TFDP2: variants seen among roughly 807,000 people sequenced by gnomAD.
TFDP2 encodes the protein transcription factor Dp-2.
TFDP2 carries 17 observed loss-of-function variants against 59.3 expected under a neutral mutation model. That is an observed-to-expected ratio of 0.29 (90% CI 0.20 to 0.43). The LOEUF (loss-of-function observed/expected upper bound fraction) is 0.43. Ranked by LOEUF, TFDP2 falls within the 20% of genes least tolerant of loss-of-function variation. The pLI, the probability that TFDP2 is intolerant of heterozygous loss-of-function variation, is 1.00. For missense variants in TFDP2, 391 were observed against 528.8 expected, an observed-to-expected ratio of 0.74 and a Z score of 2.56; for synonymous variants, 180 against 194.7, an observed-to-expected ratio of 0.92 and a Z score of 0.63.
Position 141,948,564 on chromosome 3 carries a change from GGCTCCCCACCGT to G in TFDP2, c.*3937_*3948del, listed in dbSNP as rs1370276534. ...CTCAAAAAAAAAAAAAAGCTAAATA[GGCTCCCCACCGT>G]GCCCCCCTCTCTCAGTGTGGTTATG... On this transcript the variant is annotated 3_prime_UTR_variant, in exon 13 of 13. Coordinates refer to ENST00000489671, the MANE Select transcript of TFDP2 (RefSeq NM_001178139.2). 3.3e-5 allele frequency: 5 copies of G among 150,562 alleles called. No homozygotes were observed. Among genetic ancestry groups the G allele is most frequent in the Admixed American group, 1.3e-4 (2 of 14,964 alleles). The allele number at this position is 150,562 out of a possible 1,614,324, so 9.3% of individuals were successfully genotyped here.
At chr3:142,001,202 C>T (rs936494647) in intron 4 of TFDP2, among the ~76,000 whole-genome samples, 6 of 152,190 alleles carry the variant, frequency 3.9e-5, no homozygotes, top group East Asian at 1.9e-4. Flanking sequence ...TATCATACCC[C>T]GCAGCTTGTA....
chr3:142,080,336 A>T (rs1379832711), intron 3 of TFDP2, among the ~76,000 whole-genome samples: 2 of 152,166 alleles, frequency 1.3e-5, no homozygotes, highest in Non-Finnish European at 2.9e-5. Context: ...ATCAAACAAC[A>T]TACAATGGAT....
At chr3:142,102,841 T>C (rs887300056) in intron 1 of TFDP2, among the ~76,000 whole-genome samples, 1 of 152,102 alleles carries the variant, frequency 6.6e-6, no homozygotes, top group Non-Finnish European at 1.5e-5. Context: ...ATCAGAGAAA[T>C]CCAAATTGAG....
At position 141,974,162 on chromosome 3, in the gene TFDP2, T is replaced by C; in HGVS notation, c.549A>G (p.Arg183=). 1 of 1,606,884 alleles carries C rather than the reference T, an allele frequency of 6.2e-7. No homozygotes were observed. Among genetic ancestry groups the C allele is most frequent in the Non-Finnish European group, 8.5e-7 (1 of 1,177,946 alleles). ...TTAGCACATTTAAAGCATCATAAAC[T>C]CTTCGCCTAATGTTCTTCTGATCAT... is the stretch of plus-strand genomic sequence containing the variant. ...SAYDQKNIRR[R]VYDALNVLMA... Residue 183 remains arginine (R), a synonymous_variant, in exon 8 of 13, where the codon AGA becomes AGG. Coordinates refer to ENST00000489671, the MANE Select transcript of TFDP2 (RefSeq NM_001178139.2).
At chr3:141,986,457 T>C (rs895088956) in intron 6 of TFDP2, among the ~76,000 whole-genome samples, 4 of 152,246 alleles carry the variant, frequency 2.6e-5, no homozygotes, top group Admixed American at 6.5e-5. Flanking sequence ...TGTACCCTTT[T>C]GTATCTGACA....
intron 11 of TFDP2, among the ~76,000 whole-genome samples, chr3:141,959,321 G>A (rs1332466974): frequency 1.3e-5 from 2 of 152,102 alleles, no homozygotes; most frequent in African/African-American, 4.8e-5. Context: ...AGGGCACTAA[G>A]AGAAGATTTT....
intron 1 of TFDP2, among the ~76,000 whole-genome samples, chr3:142,138,816 G>T (rs2062828042): frequency 1.3e-5 from 2 of 152,208 alleles, no homozygotes; most frequent in African/African-American, 4.8e-5. Flanking sequence ...GAATAAGTGT[G>T]ATATGGTGCT....
chr3:142,064,172 G>A (rs534439997), intron 3 of TFDP2, among the ~76,000 whole-genome samples: 3 of 152,152 alleles, frequency 2.0e-5, no homozygotes, highest in African/African-American at 4.8e-5. Context: ...GGCTGGTCTC[G>A]AACTCCTGGG....
chr3:141,957,937 G>A (rs1318187448), intron 11 of TFDP2, among the ~76,000 whole-genome samples: 1 of 152,190 alleles, frequency 6.6e-6, no homozygotes, highest in Non-Finnish European at 1.5e-5. Flanking sequence ...AAACATCACT[G>A]AACTGACATT....
intron 10 of TFDP2, among the ~76,000 whole-genome samples, chr3:141,963,271 G>T (rs140187060): frequency 3.3e-5 from 5 of 152,176 alleles, no homozygotes; most frequent in Non-Finnish European, 7.4e-5. Flanking sequence ...TATTATCATT[G>T]ATCTTAGTTA....
At chr3:141,983,373 G>A (rs1023324831) in intron 6 of TFDP2, among the ~76,000 whole-genome samples, 5 of 152,114 alleles carry the variant, frequency 3.3e-5, no homozygotes, top group African/African-American at 7.2e-5. Flanking sequence ...GCAGTGGCTC[G>A]TGCCTGTAAT....
chr3:141,990,272 C>T (rs113731734), intron 6 of TFDP2, among the ~76,000 whole-genome samples: 7 of 151,784 alleles, frequency 4.6e-5, no homozygotes, highest in East Asian at 3.9e-4. Context: ...AAACATGAGA[C>T]GGAGTCCCGC....
intron 3 of TFDP2, among the ~76,000 whole-genome samples, chr3:142,050,728 C>T (rs1947584078): frequency 6.6e-6 from 1 of 151,376 alleles, no homozygotes; most frequent in African/African-American, 2.4e-5. Context: ...TAAATATATA[C>T]TCCCAGCTAC....
intron 3 of TFDP2, among the ~76,000 whole-genome samples, chr3:142,049,154 A>G (rs1355437): frequency 1.3e-5 from 2 of 152,196 alleles, no homozygotes; most frequent in Non-Finnish European, 2.9e-5. Context: ...CAAAGAAAAT[A>G]ACAAAACAAA....
chr3:142,081,727 A>G (rs1211513257), intron 3 of TFDP2, among the ~76,000 whole-genome samples: 1 of 152,226 alleles, frequency 6.6e-6, no homozygotes, highest in African/African-American at 2.4e-5. Context: ...TGGAAAACCT[A>G]GAAGAAATGG....
chr3:142,139,265 A>G (rs750779515), intron 1 of TFDP2, among the ~76,000 whole-genome samples: 3 of 152,098 alleles, frequency 2.0e-5, no homozygotes, highest in Non-Finnish European at 2.9e-5. Flanking sequence ...GTGTCTCTGC[A>G]TGTGAGATGG....
At chr3:142,050,084 T>C (rs1947533441) in intron 3 of TFDP2, among the ~76,000 whole-genome samples, 1 of 151,214 alleles carries the variant, frequency 6.6e-6, no homozygotes, top group Non-Finnish European at 1.5e-5. Context: ...CTGGCCAACA[T>C]GGTAAAACCC....
At chr3:142,059,682 C>G (rs767591078) in intron 3 of TFDP2, among the ~76,000 whole-genome samples, 1 of 152,158 alleles carries the variant, frequency 6.6e-6, no homozygotes, top group African/African-American at 2.4e-5. Context: ...CAGGTTCCAG[C>G]GATTCTCCTG....
chr3:142,040,169 T>A (rs1241412965), intron 3 of TFDP2, among the ~76,000 whole-genome samples: 1 of 151,968 alleles, frequency 6.6e-6, no homozygotes, highest in Non-Finnish European at 1.5e-5. Flanking sequence ...GATAAAGCTA[T>A]CAACAGAACG....
Sources: gnomAD v4.1 joint callset for allele counts (sites outside exome capture counted in the v4.1 genomes callset) on GRCh38, gnomAD v4.1.1 for gene constraint, MANE v1.5 for transcripts, NCBI Gene and HGNC (gene_info 2026-07-23, HGNC 2026-07-21) for gene names.